SGMS2: variants seen among roughly 807,000 people sequenced by gnomAD.
SGMS2 encodes the protein phosphatidylcholine:ceramide cholinephosphotransferase 2.
SGMS2 carries 21 observed loss-of-function variants against 43.8 expected under a neutral mutation model. That is an observed-to-expected ratio of 0.48 (90% CI 0.34 to 0.69). The LOEUF is 0.69. Ranked by LOEUF, SGMS2 falls within the 30% of genes least tolerant of loss-of-function variation. The pLI is 0.01. For synonymous variants in SGMS2, 167 were observed against 160.6 expected (o/e 1.04, Z -0.30); for missense variants, 384 against 443.2 (o/e 0.87, Z 1.20).
rs941785336 is a variant in SGMS2, at chr4:107,910,407, T to G, written c.952T>G (p.Phe318Val). The change falls in exon 7 of 7, where the codon TTT becomes GTT. Residue 318 changes from phenylalanine to valine, a missense_variant. Phe to Val is a conservative substitution (Grantham distance 50). Coordinates refer to ENST00000690982, the MANE Select transcript of SGMS2 (RefSeq NM_001375905.1). ...ATCTCGAGCATGGTGGTTCCCCATC[T>G]TTTATTTTTTTGAGAAAAATGTACA... Reference protein sequence around the residue: ...FLSRAWWFPIFYFFEKNVQGS... With the variant: ...FLSRAWWFPIVYFFEKNVQGS... The G allele has an allele frequency of 6.2e-7, 1 of 1,614,176 alleles. No individual in the cohort carries two copies. The highest frequency in any genetic ancestry group is 8.5e-7 in the Non-Finnish European group (1 of 1,180,012).
At position 107,910,821 on chromosome 4, in the gene SGMS2, C is replaced by T; in HGVS notation, c.*268C>T. 2.9e-6 allele frequency: 1 copy of T among 350,074 alleles called. No individual in the cohort carries two copies. 21.7% of individuals were successfully genotyped at this position (350,074 alleles called of 1,614,324 possible). ...ACTAATGAGCTTGTTAAAGAGGTGC[C>T]AAAGAACATATTCCTCCTTTCTTTA... On this transcript the variant is annotated 3_prime_UTR_variant, in exon 7 of 7. Coordinates refer to ENST00000690982, the MANE Select transcript of SGMS2 (RefSeq NM_001375905.1).
At chr4:107,845,677 T>G (rs1726767008) in intron 1 of SGMS2, among the ~76,000 whole-genome samples, 1 of 152,216 alleles carries the variant, frequency 6.6e-6, no homozygotes, top group African/African-American at 2.4e-5. Flanking sequence ...TTAAGGGATG[T>G]CTGAAAAGAT....
Position 107,899,627 on chromosome 4 carries a change from C to T in SGMS2, c.508C>T (p.Arg170Cys), listed in dbSNP as rs1359489466. 10 of 1,613,130 alleles carry T rather than the reference C, an allele frequency of 6.2e-6. No individual in the cohort carries two copies. The highest frequency in any genetic ancestry group is 8.5e-6 in the Non-Finnish European group (10 of 1,179,568). ...CFIIGTLYLY[R>C]CITMYVTTLP... ...TATTATTGGAACTTTATACCTGTATCGCTGCATTACAATGTATGTTACTAC... is the reference window on the plus strand; with the variant it reads ...TATTATTGGAACTTTATACCTGTATTGCTGCATTACAATGTATGTTACTAC... The change falls in exon 4 of 7, where the codon CGC (arginine) becomes TGC (cysteine). Residue 170 changes from arginine to cysteine, a missense_variant. By Grantham distance (180) the Arg-to-Cys change is radical. Coordinates refer to ENST00000690982, the MANE Select transcript of SGMS2 (RefSeq NM_001375905.1).
At chr4:107,847,071 C>T (rs1242883496) in intron 1 of SGMS2, among the ~76,000 whole-genome samples, 2 of 151,830 alleles carry the variant, frequency 1.3e-5, no homozygotes, top group Admixed American at 1.3e-4. Flanking sequence ...GTTGCCTGTT[C>T]ACTCTGATGG....
chr4:107,888,994 A>G (rs1308546971), intron 2 of SGMS2, among the ~76,000 whole-genome samples: 1 of 152,156 alleles, frequency 6.6e-6, no homozygotes, highest in East Asian at 1.9e-4. Context: ...GATTTAAACT[A>G]ACTGACTTCA....
intron 6 of SGMS2, among the ~76,000 whole-genome samples, 185 bp downstream of exon 6, chr4:107,908,916 T>TA (rs1731846481): frequency 6.6e-6 from 1 of 152,148 alleles, no homozygotes; most frequent in African/African-American, 2.4e-5. Flanking sequence ...CATTTATGGA[T>TA]AAAAATGCCA....
At chr4:107,882,913 C>G (rs894559460) in intron 2 of SGMS2, among the ~76,000 whole-genome samples, 2 of 152,098 alleles carry the variant, frequency 1.3e-5, no homozygotes, top group East Asian at 1.9e-4. Context: ...TTTATAAATG[C>G]AGGAACATGC....
At chr4:107,908,405 A>T (rs879697662) in intron 5 of SGMS2, among the ~76,000 whole-genome samples, 160 bp from the exon 6 acceptor site, 3 of 152,162 alleles carry the variant, frequency 2.0e-5, no homozygotes, top group Non-Finnish European at 2.9e-5. Context: ...ACCTGAGCAG[A>T]TCCTGGGCAG....
intron 2 of SGMS2, among the ~76,000 whole-genome samples, chr4:107,860,567 G>A (rs1727670732): frequency 6.6e-6 from 1 of 151,378 alleles, no homozygotes; most frequent in African/African-American, 2.4e-5. Flanking sequence ...TGTTGCCCAG[G>A]CTGGAGTGCA....
rs1730580540 is a variant in SGMS2, at chr4:107,895,371, A to T, written c.-183A>T. The T allele has an allele frequency of 1.6e-6, 1 of 613,134 alleles. No individual in the cohort carries two copies. Among genetic ancestry groups the T allele is most frequent in the Non-Finnish European group, 2.8e-6 (1 of 358,756 alleles). The allele number at this position is 613,134 out of a possible 1,614,324, so 38.0% of individuals were successfully genotyped here. A position where few individuals can be genotyped will look rare whatever the true frequency, so the allele number is the denominator to read the frequency against. On this transcript the variant is annotated 5_prime_UTR_variant, in exon 3 of 7. Transcript: ENST00000690982. ...TTCCTTTCTTGAAAGTGGTGAAGGT[A>T]CAGCATATAGCTGCATGGAAGAAAC...
intron 1 of SGMS2, among the ~76,000 whole-genome samples, chr4:107,837,067 A>T (rs941184115): frequency 6.6e-6 from 1 of 152,214 alleles, no homozygotes. Flanking sequence ...ATGCAGTCCC[A>T]AGCCCTCCTC....
At chr4:107,859,436 C>G (rs1727606498) in intron 2 of SGMS2, among the ~76,000 whole-genome samples, 1 of 152,096 alleles carries the variant, frequency 6.6e-6, no homozygotes, top group Non-Finnish European at 1.5e-5. Flanking sequence ...CTGTGAAATT[C>G]ACAATAATTC....
Position 107,895,632 on chromosome 4 carries a change from C to T in SGMS2, c.79C>T (p.Pro27Ser), listed in dbSNP as rs762047509. Residue 27 changes from proline to serine, a missense_variant, in exon 3 of 7, where the codon CCC becomes TCC. Coordinates refer to ENST00000690982, the MANE Select transcript of SGMS2 (RefSeq NM_001375905.1). ...PSDPTNTYARPAEPVEEENKN... is the reference protein window; with the variant it reads ...PSDPTNTYARSAEPVEEENKN... ...TGATCCTACGAACACTTATGCAAGA[C>T]CCGCTGAACCTGTTGAAGAAGAAAA... is the stretch of plus-strand genomic sequence containing the variant. 1 of 1,613,980 alleles carries T rather than the reference C, an allele frequency of 6.2e-7. No individual in the cohort carries two copies. Among genetic ancestry groups the T allele is most frequent in the Non-Finnish European group, 8.5e-7 (1 of 1,179,944 alleles).
chr4:107,842,779 T>A (rs1726599051), intron 1 of SGMS2, among the ~76,000 whole-genome samples: 1 of 152,074 alleles, frequency 6.6e-6, no homozygotes, highest in Non-Finnish European at 1.5e-5. Flanking sequence ...AGATCTTAAC[T>A]TTTTTTTCAA....
intron 2 of SGMS2, among the ~76,000 whole-genome samples, chr4:107,869,993 G>C (rs1728439225): frequency 6.6e-6 from 1 of 152,142 alleles, no homozygotes; most frequent in Non-Finnish European, 1.5e-5. Flanking sequence ...CATGATTGTG[G>C]AGCTGTCAGT....
intron 1 of SGMS2, among the ~76,000 whole-genome samples, chr4:107,832,090 C>A (rs1023759489): frequency 6.6e-6 from 1 of 152,168 alleles, no homozygotes; most frequent in Non-Finnish European, 1.5e-5. Flanking sequence ...ACAGCTGCTA[C>A]TGTCTTCTGA....
chr4:107,909,052 T>G (rs1731867005), intron 6 of SGMS2, among the ~76,000 whole-genome samples: 1 of 152,064 alleles, frequency 6.6e-6, no homozygotes, highest in African/African-American at 2.4e-5. Context: ...GGGTAAGACA[T>G]AATCCTGCCT....
chr4:107,869,906 G>A (rs1728430815), intron 2 of SGMS2, among the ~76,000 whole-genome samples: 1 of 152,122 alleles, frequency 6.6e-6, no homozygotes, highest in South Asian at 2.1e-4. Flanking sequence ...AGCCATTTAA[G>A]GTCTTTAACG....
At chr4:107,833,609 G>C (rs557922260) in intron 1 of SGMS2, among the ~76,000 whole-genome samples, 16 of 152,200 alleles carry the variant, frequency 1.1e-4, no homozygotes, top group African/African-American at 3.6e-4. Context: ...CTGCATATAA[G>C]ATGTATATGA....
Sources: allele counts gnomAD v4.1 joint callset (sites outside exome capture counted in the v4.1 genomes callset), GRCh38; gene constraint gnomAD v4.1.1; transcripts MANE v1.5; gene names NCBI Gene and HGNC (gene_info 2026-07-23, HGNC 2026-07-21).